DNAH17: variants seen among roughly 807,000 people sequenced by gnomAD.
The protein encoded by DNAH17 is dynein axonemal heavy chain 17.
In DNAH17, 376 loss-of-function variants were observed where a neutral mutation model predicts 485.6. The observed-to-expected ratio is 0.77, with a 90% CI of 0.71 to 0.84. The LOEUF (loss-of-function observed/expected upper bound fraction) is 0.84. DNAH17 is among the 40% of genes least tolerant of loss of function. The pLI is 0.00. For missense variants in DNAH17, 6,370 were observed against 5,839.3 expected, an observed-to-expected ratio of 1.09 and a Z score of -2.96; for synonymous variants, 3,031 against 2,405.9, an observed-to-expected ratio of 1.26 and a Z score of -7.60.
intron 43 of DNAH17, among the ~76,000 whole-genome samples, chr17:78,491,069 G>A (rs2089831413): frequency 6.6e-6 from 1 of 152,208 alleles, no homozygotes; most frequent in African/African-American, 2.4e-5. Context: ...GCTGCAGCAT[G>A]GAGTCAGGGC....
At position 78,506,701 on chromosome 17, in the gene DNAH17, T is replaced by C. The variant is rs745318889; in HGVS notation, c.4803+19A>G. 4 of 1,613,654 alleles carry C rather than the reference T, an allele frequency of 2.5e-6. No individual in the cohort carries two copies. The East Asian group carries it at 6.7e-5, about 27-fold the overall frequency. On this transcript the variant is annotated intron_variant, in intron 30 of 80. Coordinates refer to ENST00000389840, the MANE Select transcript of DNAH17 (RefSeq NM_173628.4). ...CATGATGTTGGCTTAAACACCGGAA[T>C]GCAAGGGGCCCCGCCTACCTCCACG...
chr17:78,507,645 G>A lies in DNAH17; in HGVS notation c.4397C>T (p.Ala1466Val). 5 of 1,613,982 alleles carry A rather than the reference G, an allele frequency of 3.1e-6. No homozygotes were observed. Among genetic ancestry groups the A allele is most frequent in the Non-Finnish European group, 4.2e-6 (5 of 1,180,020 alleles). ...GCTTGTCACCTCCTTCAGGAAGTGG[G>A]CCAGGTACTTGGACATCATCAGGTT... ...LQNLMMSKYL[A>V]HFLKEVTSWQ... The change falls in exon 28 of 81, where the codon GCC becomes GTC. Residue 1466 changes from alanine to valine, a missense_variant. Transcript: ENST00000389840.
rs780954162 is a variant in DNAH17 at position 78,507,533 on chromosome 17, G to A, written c.4509C>T (p.Phe1503=). The part of the protein sequence containing the change: ...QRTWSHLESI[F]IGSEDIRTQL... ...GGGTGCGGATGTCTTCGGAGCCGAT[G>A]AAGATGCTCTCCAGGTGGCTCCAGG... Residue 1503 remains phenylalanine (F), a synonymous_variant, in exon 28 of 81, where the codon TTC becomes TTT. Coordinates refer to ENST00000389840, the MANE Select transcript of DNAH17 (RefSeq NM_173628.4). 3 of 1,614,040 alleles carry A rather than the reference G, an allele frequency of 1.9e-6. No individual in the cohort carries two copies. The highest frequency in any genetic ancestry group is 2.2e-5 in the East Asian group (1 of 44,884).
Position 78,449,497 on chromosome 17 carries a change from T to C in DNAH17, c.11128A>G (p.Ile3710Val), listed in dbSNP as rs2087454544. The C allele has an allele frequency of 1.3e-6, 2 of 1,580,234 alleles. No homozygotes were observed. Among genetic ancestry groups the C allele is most frequent in the Non-Finnish European group, 1.7e-6 (2 of 1,163,014 alleles). The change falls in exon 69 of 81, where the codon ATC becomes GTC. Residue 3710 changes from isoleucine (I) to valine (V), a missense_variant. Physicochemically the swap from Ile to Val is conservative, Grantham distance 29. Coordinates refer to ENST00000389840, the MANE Select transcript of DNAH17 (RefSeq NM_173628.4). ...KQRVINLTDE[I>V]TYSVYMYTAR... ...GTGTACATGTAGACGGAGTAGGTGATCTCGTCCGTCAGGTTGATCACCCGC... is the reference window on the plus strand; with the variant it reads ...GTGTACATGTAGACGGAGTAGGTGACCTCGTCCGTCAGGTTGATCACCCGC...
chr17:78,509,951 GC>G (rs756051429), intron 27 of DNAH17, among the ~76,000 whole-genome samples: 3 of 152,194 alleles, frequency 2.0e-5, no homozygotes, highest in Non-Finnish European at 2.9e-5. Context: ...GGAGGCTGAG[GC>G]GAGCGGGTCA....
In DNAH17 at chr17:78,434,085, C is replaced by T. The variant is rs529685073; in HGVS notation, c.12169G>A (p.Gly4057Arg). 8.1e-5 allele frequency: 130 copies of T among 1,613,184 alleles called. No homozygotes were observed. The highest frequency in any genetic ancestry group is 4.0e-4 in the Admixed American group (24 of 59,936). ...GWNRSYPFNN[G>R]DLTISINVLY... ...ACGTTGATGGAGATGGTGAGGTCCC[C>T]GTTGTTGAAGGGGTACGACCGGTTC... Residue 4057 changes from glycine to arginine, a missense_variant, in exon 75 of 81, where the codon GGG (glycine) becomes AGG (arginine). Physicochemically the swap from Gly to Arg is moderately radical, Grantham distance 125. Coordinates refer to ENST00000389840, the MANE Select transcript of DNAH17 (RefSeq NM_173628.4).
At chr17:78,502,089 A>G (rs2090316735) in intron 33 of DNAH17, 1 of 603,108 alleles carries the variant, frequency 1.7e-6, no homozygotes, top group Non-Finnish European at 2.8e-6. Context: ...TGGACGTAGT[A>G]GAAGGAAATT....
intron 26 of DNAH17, among the ~76,000 whole-genome samples, chr17:78,512,633 C>T (rs2090664180): frequency 6.6e-6 from 1 of 152,056 alleles, no homozygotes. Flanking sequence ...CCCCCTCTAC[C>T]AAGAATGATA....
intron 46 of DNAH17, 70 bp downstream of exon 46, chr17:78,485,890 G>A (rs2089585092): frequency 7.6e-6 from 12 of 1,577,698 alleles, no homozygotes; most frequent in African/African-American, 2.7e-5. Flanking sequence ...CCGTGCAGGC[G>A]TGTGGAGGGT....
In DNAH17 at chr17:78,472,298, G is replaced by A. The variant is rs1039628188; in HGVS notation, c.8511+2980C>T. On this transcript the variant is annotated intron_variant, in intron 54 of 80. Transcript: ENST00000389840. ...GGGGTGCGAGGGTTAGGGTTAGGGA[G>A]TGGGGGTGCGAGGGTTAGGGTTAGG... Among the ~76,000 whole-genome samples, 322 of 141,738 alleles carry A rather than the reference G, an allele frequency of 2.3e-3. 1 individual carries two copies. Among genetic ancestry groups the A allele is most frequent in the African/African-American group, 9.3e-3 (298 of 32,150 alleles). The allele number at this position is 141,738 out of a possible 152,430, so 93.0% of individuals were successfully genotyped here.
intron 54 of DNAH17, among the ~76,000 whole-genome samples, chr17:78,474,801 G>C (rs2088930129): frequency 1.5e-5 from 2 of 134,242 alleles, no homozygotes; most frequent in South Asian, 4.7e-4. Flanking sequence ...CTTCACCTCA[G>C]TCACCCGGGC....
At chr17:78,553,991 T>C (rs1006232307) in intron 14 of DNAH17, among the ~76,000 whole-genome samples, 34 of 151,682 alleles carry the variant, frequency 2.2e-4, no homozygotes, top group African/African-American at 7.8e-4. Context: ...GATGGGATCT[T>C]GCTATGTTGC....
chr17:78,571,185 G>T, intron 5 of DNAH17, 94 bp downstream of exon 5: 1 of 1,320,498 alleles, frequency 7.6e-7, no homozygotes, highest in Non-Finnish European at 1.1e-6. Flanking sequence ...GCAGAGGGAG[G>T]CCAACATCCT....
chr17:78,477,039 G>A (rs985988817), intron 51 of DNAH17, among the ~76,000 whole-genome samples: 2 of 152,212 alleles, frequency 1.3e-5, no homozygotes, highest in South Asian at 2.1e-4. Flanking sequence ...AAGGAAAGCA[G>A]GTGACCGATG....
chr17:78,445,654 G>C lies in DNAH17; in HGVS notation c.11238C>G (p.Asn3746Lys). The stretch of plus-strand genomic sequence containing the variant: ...GCAGGAGGAAATCCAGCTCCACTGG[G>C]TTCAGCTCCTTCTTCATGGACAGGA... ...FQVLSMKKEL[N>K]PVELDFLLRF... is the part of the protein sequence containing the mutation. The change falls in exon 70 of 81, where the codon AAC (asparagine) becomes AAG (lysine). Residue 3746 changes from asparagine to lysine, a missense_variant. Transcript: ENST00000389840. 1 of 1,579,728 alleles carries C rather than the reference G, an allele frequency of 6.3e-7. No individual in the cohort carries two copies. The highest frequency in any genetic ancestry group is 8.6e-7 in the Non-Finnish European group (1 of 1,162,896).
chr17:78,537,359 G>A lies in DNAH17; in HGVS notation c.2799C>T (p.Asn933=), dbSNP rs377462146. Reference sequence around the variant, plus strand: ...TGAGCCTGGCTACGTTGTAGATGTCGTTGACCAGGCCCTCGATCAGTGCCA... The same window carrying A: ...TGAGCCTGGCTACGTTGTAGATGTCATTGACCAGGCCCTCGATCAGTGCCA... The part of the protein sequence containing the change: ...GFLALIEGLV[N]DIYNVARLIP... The change falls in exon 19 of 81, where the codon AAC becomes AAT. Residue 933 remains asparagine, a synonymous_variant. Coordinates refer to ENST00000389840, the MANE Select transcript of DNAH17 (RefSeq NM_173628.4). The A allele has an allele frequency of 1.7e-5, 27 of 1,609,292 alleles. 1 individual carries two copies. Among genetic ancestry groups the A allele is most frequent in the South Asian group, 1.0e-4 (9 of 90,104 alleles).
chr17:78,454,086 G>A (rs185225461), intron 64 of DNAH17, among the ~76,000 whole-genome samples: 5 of 152,190 alleles, frequency 3.3e-5, no homozygotes, highest in East Asian at 1.9e-4. Flanking sequence ...TTCCAGCACC[G>A]CTAGGAAGCA....
Position 78,458,549 on chromosome 17 carries a change from G to A in DNAH17, c.9977+16C>T, listed in dbSNP as rs547100847. 302 of 1,605,496 alleles carry A rather than the reference G, an allele frequency of 1.9e-4. No homozygotes were observed. Among genetic ancestry groups the A allele is most frequent in the Non-Finnish European group, 2.4e-4 (280 of 1,172,446 alleles). ...GGTCTGAGAGCAGGAGGGTGGTCTC[G>A]GGGAGGAGCTGATACCTGTTCGCCA... is the stretch of plus-strand genomic sequence containing the variant. On this transcript the variant is annotated intron_variant, in intron 62 of 80. Coordinates refer to ENST00000389840, the MANE Select transcript of DNAH17 (RefSeq NM_173628.4).
chr17:78,568,539 C>T (rs887364014), intron 9 of DNAH17, among the ~76,000 whole-genome samples: 11 of 151,938 alleles, frequency 7.2e-5, no homozygotes, highest in Non-Finnish European at 1.5e-4. Flanking sequence ...TGCCCTACCC[C>T]GTCTTGATCC....
Sources: allele counts gnomAD v4.1 joint callset (sites outside exome capture counted in the v4.1 genomes callset), GRCh38; gene constraint gnomAD v4.1.1; transcripts MANE v1.5; gene names NCBI Gene and HGNC (gene_info 2026-07-23, HGNC 2026-07-21).